GRID2: variants seen among roughly 807,000 people sequenced by gnomAD.
GRID2 encodes glutamate ionotropic receptor delta type subunit 2, also known as glutamate receptor ionotropic, delta-2.
Under a neutral mutation model 114.8 loss-of-function variants are expected in GRID2, and 33 were observed. That is an observed-to-expected ratio of 0.29 (90% CI 0.22 to 0.38). The LOEUF is 0.38. Ranked by LOEUF, GRID2 falls within the 10% of genes least tolerant of loss-of-function variation. The pLI is 1.00. For missense variants in GRID2, 1,184 were observed against 1,257.7 expected, an observed-to-expected ratio of 0.94 and a Z score of 0.89; for synonymous variants, 505 against 449.9, an observed-to-expected ratio of 1.12 and a Z score of -1.55.
chr4:92,741,106 T>G (rs972838679), intron 2 of GRID2, among the ~76,000 whole-genome samples: 2 of 152,106 alleles, frequency 1.3e-5, no homozygotes, highest in African/African-American at 4.8e-5. Flanking sequence ...AAGATGAAGA[T>G]TCTGGTTAGG....
chr4:92,647,326 C>A (rs1443520803), intron 2 of GRID2, among the ~76,000 whole-genome samples: 1 of 31,516 alleles, frequency 3.2e-5, no homozygotes, highest in East Asian at 7.5e-4. Flanking sequence ...TGTAAGGGGA[C>A]CTGAGATAAT....
chr4:93,326,811 C>A (rs1334624937), intron 8 of GRID2, among the ~76,000 whole-genome samples: 1 of 152,136 alleles, frequency 6.6e-6, no homozygotes, highest in Non-Finnish European at 1.5e-5. Flanking sequence ...CTTGACTTTT[C>A]CTATCCAATA....
intron 8 of GRID2, among the ~76,000 whole-genome samples, chr4:93,254,710 T>A (rs1749373007): frequency 6.6e-6 from 1 of 152,122 alleles, no homozygotes; most frequent in African/African-American, 2.4e-5. Context: ...ATAAGTGCAC[T>A]TTCATTAAAT....
intron 1 of GRID2, among the ~76,000 whole-genome samples, chr4:92,482,211 A>G (rs1320839344): frequency 6.6e-6 from 1 of 151,616 alleles, no homozygotes; most frequent in Non-Finnish European, 1.5e-5. Context: ...AAAATAACAC[A>G]GGAATAGAAA....
intron 8 of GRID2, among the ~76,000 whole-genome samples, chr4:93,261,761 G>A (rs1048823724): frequency 6.6e-6 from 1 of 151,758 alleles, no homozygotes; most frequent in Non-Finnish European, 1.5e-5. Context: ...TAACCATCTA[G>A]CCGTCTATTT....
At chr4:92,639,924 A>C (rs1296696656) in intron 2 of GRID2, among the ~76,000 whole-genome samples, 1 of 151,792 alleles carries the variant, frequency 6.6e-6, no homozygotes, top group Non-Finnish European at 1.5e-5. Flanking sequence ...TACTAAAGAC[A>C]TGTTCGTATG....
chr4:92,402,089 A>G (rs1193353928), intron 1 of GRID2, among the ~76,000 whole-genome samples: 2 of 152,150 alleles, frequency 1.3e-5, no homozygotes, highest in Non-Finnish European at 2.9e-5. Context: ...CCTCATTCGT[A>G]AGAAGCTACT....
At chr4:92,866,189 T>G (rs1744849993) in intron 2 of GRID2, among the ~76,000 whole-genome samples, 2 of 152,140 alleles carry the variant, frequency 1.3e-5, no homozygotes, top group Admixed American at 1.3e-4. Flanking sequence ...AGAACTTCAG[T>G]AGGATTTTAC....
At chr4:92,322,154 T>C in intron 1 of GRID2, among the ~76,000 whole-genome samples, 1 of 152,284 alleles carries the variant, frequency 6.6e-6, no homozygotes, top group South Asian at 2.1e-4. Flanking sequence ...AACTATGGCT[T>C]TTCTACAACA....
intron 8 of GRID2, among the ~76,000 whole-genome samples, chr4:93,311,132 C>T (rs1333527441): frequency 6.6e-6 from 1 of 152,128 alleles, no homozygotes; most frequent in Non-Finnish European, 1.5e-5. Flanking sequence ...CTGCTCCCCA[C>T]TTGAAAAGCC....
intron 1 of GRID2, among the ~76,000 whole-genome samples, chr4:92,440,247 A>G (rs1435884547): frequency 6.8e-6 from 1 of 146,180 alleles, no homozygotes; most frequent in South Asian, 2.3e-4. Context: ...TTCACTGAAT[A>G]CTAAGAGCCT....
At chr4:93,686,711 C>T (rs946239169) in intron 14 of GRID2, among the ~76,000 whole-genome samples, 3 of 151,790 alleles carry the variant, frequency 2.0e-5, no homozygotes, top group South Asian at 2.1e-4. Flanking sequence ...TGGAGATATC[C>T]GGGAGAAGTG....
chr4:93,399,947 A>G (rs747407259), intron 9 of GRID2, among the ~76,000 whole-genome samples: 5 of 152,234 alleles, frequency 3.3e-5, no homozygotes, highest in Non-Finnish European at 7.4e-5. Flanking sequence ...CTATTATAAG[A>G]AGGTTATATA....
intron 2 of GRID2, among the ~76,000 whole-genome samples, chr4:92,614,491 C>T (rs1729907138): frequency 6.6e-6 from 1 of 151,580 alleles, no homozygotes; most frequent in Non-Finnish European, 1.5e-5. Context: ...CCAATGGGTG[C>T]ATTGTTTAAT....
At chr4:93,020,342 T>C (rs1213240549) in intron 2 of GRID2, among the ~76,000 whole-genome samples, 3 of 152,174 alleles carry the variant, frequency 2.0e-5, no homozygotes, top group Non-Finnish European at 4.4e-5. Context: ...TTAATATTTT[T>C]AGCTGTAATA....
At chr4:92,598,349 A>G (rs1729050248) in intron 2 of GRID2, among the ~76,000 whole-genome samples, 2 of 152,052 alleles carry the variant, frequency 1.3e-5, no homozygotes, top group Non-Finnish European at 2.9e-5. Flanking sequence ...TCTGTAACCT[A>G]GTGTTAGGTC....
chr4:93,688,538 C>G (rs981344683), intron 14 of GRID2, among the ~76,000 whole-genome samples: 1 of 151,880 alleles, frequency 6.6e-6, no homozygotes, highest in African/African-American at 2.4e-5. Flanking sequence ...AGTAATAATT[C>G]GCAATATCTG....
chr4:92,456,502 T>C (rs1242072014), intron 1 of GRID2, among the ~76,000 whole-genome samples: 4 of 152,098 alleles, frequency 2.6e-5, no homozygotes, highest in African/African-American at 9.7e-5. Context: ...AAACCTACAG[T>C]GTTGGTGTTC....
chr4:93,404,265 T>G (rs1766193507), intron 9 of GRID2, among the ~76,000 whole-genome samples: 1 of 151,960 alleles, frequency 6.6e-6, no homozygotes, highest in East Asian at 1.9e-4. Context: ...CTAACAAGAG[T>G]GGCATTTTTG....
Sources: gnomAD v4.1 joint callset for allele counts (sites outside exome capture counted in the v4.1 genomes callset) on GRCh38, gnomAD v4.1.1 for gene constraint, MANE v1.5 for transcripts, NCBI Gene and HGNC (gene_info 2026-07-23, HGNC 2026-07-21) for gene names.